The following GAK variants were observed in gnomAD, a reference collection of about 807,000 sequenced individuals.
GAK encodes cyclin-G-associated kinase.
Under a neutral mutation model 143.9 loss-of-function variants are expected in GAK, and 79 were observed. That is an observed-to-expected ratio of 0.55 (90% CI 0.46 to 0.66). The LOEUF (loss-of-function observed/expected upper bound fraction) is 0.66. GAK is among the 30% of genes least tolerant of loss of function. GAK has a pLI of 0.00. For missense variants in GAK, 1,693 were observed against 1,779.7 expected, an observed-to-expected ratio of 0.95 and a Z score of 0.88; for synonymous variants, 881 against 765.5, an observed-to-expected ratio of 1.15 and a Z score of -2.49.
Position 862,081 on chromosome 4 carries a change from C to T in GAK, c.3167-2359G>A, listed in dbSNP as rs1750382586. Among the ~76,000 whole-genome samples, 6 of 151,958 alleles carry T rather than the reference C, an allele frequency of 3.9e-5. No homozygotes were observed. In the South Asian group the frequency reaches 1.2e-3, roughly 32 times the overall value. ...ACCACTGATGAAGAGGCTGCACCCG[C>T]CAGACTCTCCATGCAGACGAGACGG... is the stretch of plus-strand genomic sequence containing the variant. On this transcript the variant is annotated intron_variant, in intron 23 of 27. Transcript: ENST00000314167.
intron 5 of GAK, among the ~76,000 whole-genome samples, chr4:900,588 A>C (rs536382818): frequency 6.6e-6 from 1 of 152,228 alleles, no homozygotes; most frequent in South Asian, 2.1e-4. Flanking sequence ...CACCACTCAG[A>C]GACTCCTCAG....
intron 1 of GAK, among the ~76,000 whole-genome samples, chr4:915,334 A>C (rs1039978547): frequency 1.3e-5 from 2 of 152,254 alleles, no homozygotes; most frequent in African/African-American, 4.8e-5. Flanking sequence ...GGTCAATAGA[A>C]GGAAAAACAA....
At chr4:877,068 G>C (rs1352021029) in intron 17 of GAK, 22 bp downstream of exon 17, 2 of 1,541,152 alleles carry the variant, frequency 1.3e-6, no homozygotes, top group South Asian at 1.1e-5. Flanking sequence ...GGGAGCACCG[G>C]GCAAGCCACA....
intron 4 of GAK, among the ~76,000 whole-genome samples, chr4:909,982 C>T (rs1721760219): frequency 6.6e-6 from 1 of 152,210 alleles, no homozygotes; most frequent in African/African-American, 2.4e-5. Context: ...CATCCGCCAC[C>T]CACGTCAGGA....
intron 4 of GAK, among the ~76,000 whole-genome samples, chr4:909,120 T>A (rs1721583281): frequency 6.6e-6 from 1 of 152,248 alleles, no homozygotes; most frequent in Non-Finnish European, 1.5e-5. Context: ...GTGCTAGGAT[T>A]ACAGGCGTGA....
In GAK at chr4:882,027, G is replaced by A. The variant is rs899151597; in HGVS notation, c.1541C>T (p.Ala514Val). The A allele has an allele frequency of 8.1e-6, 13 of 1,605,878 alleles. No individual in the cohort carries two copies. Among genetic ancestry groups the A allele is most frequent in the East Asian group, 6.7e-5 (3 of 44,648 alleles). The change falls in exon 15 of 28, where the codon GCG (alanine) becomes GTG (valine). Residue 514 changes from alanine to valine, a missense_variant. By Grantham distance (64) the Ala-to-Val change is moderately conservative. Transcript: ENST00000314167. ...GAAGGAGCAGACGGCCACAGCAGAC[G>A]CGGCTCTCCCGTCCTAGGACAGACA... ...CVVHCMDGRAASAVAVCSFLC... is the reference protein window; with the variant it reads ...CVVHCMDGRAVSAVAVCSFLC...
intron 11 of GAK, chr4:887,826 G>C (rs1012872580): frequency 1.3e-5 from 2 of 152,390 alleles, no homozygotes; most frequent in African/African-American, 4.8e-5. Flanking sequence ...CAAGCACAAG[G>C]ACTCACAAGC....
intron 23 of GAK, among the ~76,000 whole-genome samples, chr4:864,698 A>G (rs373010692): frequency 5.3e-5 from 8 of 152,256 alleles, no homozygotes; most frequent in African/African-American, 1.7e-4. Flanking sequence ...CATCGGCCGC[A>G]ACACCGAGAC....
intron 22 of GAK, among the ~76,000 whole-genome samples, chr4:865,490 G>C (rs1751014428): frequency 6.6e-6 from 1 of 151,898 alleles, no homozygotes; most frequent in Admixed American, 6.5e-5. Context: ...CTGAGAACAA[G>C]CATCTGCGCA....
Position 852,023 on chromosome 4 carries a change from C to A in GAK, c.3284-49G>T, listed in dbSNP as rs377323506. On this transcript the variant is annotated intron_variant, in intron 24 of 27. Coordinates refer to ENST00000314167, the MANE Select transcript of GAK (RefSeq NM_005255.4). ...TCGGCATCTGGTTGTCCATGAGGGG[C>A]AACTACTGTTTCTATAACGCAGAGC... 1.9e-5 allele frequency: 27 copies of A among 1,449,720 alleles called. No individual in the cohort carries two copies. The African/African-American group carries it at 3.1e-4, about 17-fold the overall frequency. The allele number at this position is 1,449,720 out of a possible 1,614,324, so 89.8% of individuals were successfully genotyped here.
chr4:908,902 G>A (rs975861602), intron 4 of GAK, among the ~76,000 whole-genome samples: 1 of 152,108 alleles, frequency 6.6e-6, no homozygotes, highest in Non-Finnish European at 1.5e-5. Context: ...TTTGAGACAA[G>A]AGTCTCGGCT....
chr4:859,237 G>A (rs570413266), intron 24 of GAK: 81 of 1,190,310 alleles, frequency 6.8e-5, no homozygotes, highest in Middle Eastern at 3.9e-4. Flanking sequence ...TCTTGTGGCC[G>A]ACAGCTAGCA....
At chr4:897,893 G>C in intron 6 of GAK, 140 bp downstream of exon 6, 1 of 943,726 alleles carries the variant, frequency 1.1e-6, no homozygotes, top group Non-Finnish European at 1.5e-6. Flanking sequence ...AGGTTGCAGT[G>C]AGCCGGGATT....
rs144446433 is a variant in GAK, at chr4:927,951, G to A, written c.145+4092C>T. Among the ~76,000 whole-genome samples, 5 of 152,322 alleles carry A rather than the reference G, an allele frequency of 3.3e-5. No homozygotes were observed. In the East Asian group the frequency reaches 9.7e-4, roughly 29 times the overall value. The stretch of plus-strand genomic sequence containing the variant: ...AGAGCTGCAGAGGCTGGTGCCCTCA[G>A]TCACATGGCCAAGAGAACAGCACGG... On this transcript the variant is annotated intron_variant, in intron 1 of 27. Transcript: ENST00000314167.
Position 912,747 on chromosome 4 carries a change from T to G in GAK, c.255A>C (p.Glu85Asp). The G allele has an allele frequency of 1.9e-6, 3 of 1,613,828 alleles. No homozygotes were observed. Among genetic ancestry groups the G allele is most frequent in the Non-Finnish European group, 2.5e-6 (3 of 1,179,790 alleles). The change falls in exon 3 of 28, where the codon GAA becomes GAC. Residue 85 changes from glutamate (E) to aspartate (D), a missense_variant. By Grantham distance (45) the Glu-to-Asp change is conservative (BLOSUM62 2). Around this residue, in one of 2 missense-constraint regions of GAK, gnomAD observed 871 missense variants for 991.0 expected, o/e 0.88. Coordinates refer to ENST00000314167, the MANE Select transcript of GAK (RefSeq NM_005255.4). The part of the protein sequence containing the change: ...EEEKNRAIIQ[E>D]VCFMKKLSGH... ...AGGAAAAGGATACCATGAAGCAAAC[T>G]TCTTGAATGATGGCTCTGTTCTTTT... is the stretch of plus-strand genomic sequence containing the variant.
At chr4:894,074 G>A (rs998885779) in intron 7 of GAK, 65 bp from the exon 8 acceptor site, 14 of 1,453,272 alleles carry the variant, frequency 9.6e-6, no homozygotes, top group Admixed American at 7.6e-5. Flanking sequence ...CTGGGCCTGC[G>A]GGGAGAGCAG....
At chr4:914,249 CCA>C (rs201344118) in intron 1 of GAK, among the ~76,000 whole-genome samples, 1 of 68,026 alleles carries the variant, frequency 1.5e-5, no homozygotes, top group Non-Finnish European at 2.9e-5. Flanking sequence ...CGGCCCCCCC[CCA>C]CACACACAGC....
intron 19 of GAK, 49 bp downstream of exon 19, chr4:870,660 CAG>C (rs1560318017): frequency 1.3e-6 from 2 of 1,563,828 alleles, no homozygotes; most frequent in Non-Finnish European, 1.8e-6. Flanking sequence ...TCTCTCTCCA[CAG>C]AGACACTCAC....
At chr4:900,201 G>C (rs1468980320) in intron 5 of GAK, among the ~76,000 whole-genome samples, 1 of 151,960 alleles carries the variant, frequency 6.6e-6, no homozygotes, top group Non-Finnish European at 1.5e-5. Context: ...GGGCAGGCGA[G>C]TGGGGCCACC....
Sources: allele counts gnomAD v4.1 joint callset (sites outside exome capture counted in the v4.1 genomes callset), GRCh38; gene constraint gnomAD v4.1.1; regional missense constraint gnomAD v4.1.1; transcripts MANE v1.5; gene names NCBI Gene and HGNC (gene_info 2026-07-23, HGNC 2026-07-21).